Variants in CEP135 observed in about 807,000 individuals in gnomAD.
The protein encoded by CEP135 is centrosomal protein of 135 kDa.
In CEP135, 142 loss-of-function variants were observed where a neutral mutation model predicts 157.3. The observed-to-expected ratio is 0.90, with a 90% confidence interval of 0.79 to 1.04. The LOEUF (loss-of-function observed/expected upper bound fraction) is 1.04. Among genes scored for constraint, CEP135 ranks in the 50% least tolerant of loss-of-function variants. CEP135 has a pLI of 0.00. For missense variants in CEP135, 1,317 were observed against 1,309.2 expected, an observed-to-expected ratio of 1.01 and a Z score of -0.09; for synonymous variants, 396 against 439.8, an observed-to-expected ratio of 0.90 and a Z score of 1.25.
chr4:55,964,641 TA>T (rs752148008), intron 7 of CEP135, among the ~76,000 whole-genome samples: 2 of 152,084 alleles, frequency 1.3e-5, no homozygotes, highest in Non-Finnish European at 2.9e-5. Flanking sequence ...ATTAACAATT[TA>T]AAGGAAGAGA....
chr4:55,987,732 C>A (rs1245874071), intron 14 of CEP135, among the ~76,000 whole-genome samples: 1 of 151,934 alleles, frequency 6.6e-6, no homozygotes, highest in Non-Finnish European at 1.5e-5. Flanking sequence ...GAAAATGTAT[C>A]TGAAGAAAGT....
intron 15 of CEP135, among the ~76,000 whole-genome samples, chr4:55,997,722 G>C (rs1730022706): frequency 6.6e-6 from 1 of 152,050 alleles, no homozygotes. Context: ...TATTCAGTTG[G>C]GATAACAGTT....
intron 6 of CEP135, among the ~76,000 whole-genome samples, chr4:55,961,470 A>G (rs1486231336): frequency 6.6e-6 from 1 of 152,022 alleles, no homozygotes; most frequent in Non-Finnish European, 1.5e-5. Flanking sequence ...CAATTTATAT[A>G]ATACCCATCT....
chr4:55,992,016 T>C lies in CEP135; in HGVS notation c.1940T>C (p.Val647Ala), dbSNP rs1729815870. Residue 647 changes from valine (V) to alanine (A), a missense_variant, in exon 15 of 26, where the codon GTC (valine) becomes GCC (alanine). By Grantham distance (64) the Val-to-Ala change is moderately conservative. Coordinates refer to ENST00000257287, the MANE Select transcript of CEP135 (RefSeq NM_025009.5). Reference sequence around the variant, plus strand: ...GAGTCGTTAGAGAACAAATTAAAAGTCCAAGCTCAAAAATTTAGCCATGTG... The same window carrying C: ...GAGTCGTTAGAGAACAAATTAAAAGCCCAAGCTCAAAAATTTAGCCATGTG... ...TIESLENKLK[V>A]QAQKFSHVAG... is the part of the protein sequence containing the mutation. The C allele has an allele frequency of 1.2e-6, 2 of 1,610,210 alleles. No individual in the cohort carries two copies. The highest frequency in any genetic ancestry group is 1.7e-6 in the Non-Finnish European group (2 of 1,178,372).
intron 15 of CEP135, among the ~76,000 whole-genome samples, chr4:55,997,081 CT>C (rs1025036791): frequency 1.1e-4 from 17 of 152,206 alleles, no homozygotes; most frequent in Non-Finnish European, 1.9e-4. Context: ...AGCTAAGAAA[CT>C]GGTTCATTTT....
At chr4:55,990,149 A>G (rs1729736150) in intron 14 of CEP135, among the ~76,000 whole-genome samples, 1 of 152,080 alleles carries the variant, frequency 6.6e-6, no homozygotes, top group Non-Finnish European at 1.5e-5. Flanking sequence ...TTTTCATTGA[A>G]CCTATTGCTA....
intron 19 of CEP135, among the ~76,000 whole-genome samples, chr4:56,011,106 G>A (rs1730567194): frequency 6.6e-6 from 1 of 151,950 alleles, no homozygotes; most frequent in African/African-American, 2.4e-5. Context: ...ATGGTGACAT[G>A]TGCCTGTGGT....
At chr4:55,998,290 T>C (rs1421662353) in intron 15 of CEP135, among the ~76,000 whole-genome samples, 1 of 152,192 alleles carries the variant, frequency 6.6e-6, no homozygotes, top group Admixed American at 6.5e-5. Context: ...TTGTGAAGTC[T>C]CAGGTCAGGG....
intron 15 of CEP135, among the ~76,000 whole-genome samples, chr4:55,993,156 TGA>T (rs535344807): frequency 6.0e-4 from 91 of 152,232 alleles, no homozygotes; most frequent in African/African-American, 2.1e-3. Context: ...GGCAGAAAAC[TGA>T]GTTGGTGAAA....
intron 17 of CEP135, among the ~76,000 whole-genome samples, chr4:56,005,873 A>G (rs145173546): frequency 5.6e-4 from 86 of 152,226 alleles, no homozygotes; most frequent in African/African-American, 2.0e-3. Flanking sequence ...ATATTCTTGT[A>G]TGGCAGTTTT....
intron 19 of CEP135, among the ~76,000 whole-genome samples, chr4:56,010,300 TG>T (rs1730533582): frequency 6.8e-6 from 1 of 147,810 alleles, no homozygotes; most frequent in Admixed American, 6.9e-5. Flanking sequence ...AGGCAGAGGT[TG>T]CAGTGAGCCG....
Position 55,992,087 on chromosome 4 carries a change from T to G in CEP135, c.2009+2T>G. The stretch of plus-strand genomic sequence containing the variant: ...GAAAACAGAGGTGAACTCACTTAGG[T>G]AAGTTTATTCAAAATTTTCTAATTT... On this transcript the variant is annotated splice_donor_variant, in intron 15 of 25. Transcript: ENST00000257287. LOFTEE classifies it high-confidence loss of function. The G allele has an allele frequency of 3.1e-6, 5 of 1,588,846 alleles. No individual in the cohort carries two copies. The highest frequency in any genetic ancestry group is 4.3e-6 in the Non-Finnish European group (5 of 1,173,664).
chr4:55,981,753 C>A (rs1729417604), intron 13 of CEP135, among the ~76,000 whole-genome samples: 1 of 152,160 alleles, frequency 6.6e-6, no homozygotes, highest in Non-Finnish European at 1.5e-5. Flanking sequence ...ACATACCATA[C>A]AATTCACCCA....
intron 14 of CEP135, among the ~76,000 whole-genome samples, chr4:55,991,033 T>G (rs1338085622): frequency 6.6e-6 from 1 of 152,242 alleles, no homozygotes; most frequent in Admixed American, 6.5e-5. Context: ...AGGAGTACAG[T>G]GGCGTGATCT....
chr4:55,985,116 A>G (rs1220032526), intron 13 of CEP135, among the ~76,000 whole-genome samples, 165 bp from the exon 14 acceptor site: 1 of 152,236 alleles, frequency 6.6e-6, no homozygotes, highest in South Asian at 2.1e-4. Flanking sequence ...TAAACCAAAA[A>G]CATCATTTTT....
intron 17 of CEP135, among the ~76,000 whole-genome samples, chr4:56,003,698 T>A (rs1255664683): frequency 1.3e-5 from 2 of 152,036 alleles, no homozygotes; most frequent in Non-Finnish European, 2.9e-5. Context: ...CTAGGTTGTT[T>A]ATTTGAAATC....
intron 10 of CEP135, among the ~76,000 whole-genome samples, chr4:55,971,692 C>G (rs1211263030): frequency 6.6e-6 from 1 of 151,980 alleles, no homozygotes; most frequent in Non-Finnish European, 1.5e-5. Context: ...TTAAGTAAGA[C>G]TAAAGGGAAG....
intron 23 of CEP135, among the ~76,000 whole-genome samples, chr4:56,019,831 C>T (rs1213488442): frequency 1.3e-5 from 2 of 151,930 alleles, no homozygotes; most frequent in Non-Finnish European, 2.9e-5. Flanking sequence ...CCCAGCTACT[C>T]AGGAGGCTGA....
At position 55,965,820 on chromosome 4, in the gene CEP135, A is replaced by G; in HGVS notation, c.1005A>G (p.Glu335=). The G allele has an allele frequency of 6.2e-7, 1 of 1,613,368 alleles. No individual in the cohort carries two copies. The highest frequency in any genetic ancestry group is 8.5e-7 in the Non-Finnish European group (1 of 1,179,488). The change falls in exon 8 of 26, where the codon GAA becomes GAG. Residue 335 remains glutamate (E), a synonymous_variant. Transcript: ENST00000257287. ...AGCAGTTGGAAAGACATAAAGAAGA[A>G]GTGCTTGAGACTGCTGATAAAGAGC... The part of the protein sequence containing the change: ...LAQQLERHKE[E]VLETADKELG...
Sources: gnomAD v4.1 joint callset for allele counts (sites outside exome capture counted in the v4.1 genomes callset) on GRCh38, gnomAD v4.1.1 for gene constraint, MANE v1.5 for transcripts, NCBI Gene and HGNC (gene_info 2026-07-23, HGNC 2026-07-21) for gene names.